GREB1L: variants seen among roughly 807,000 people sequenced by gnomAD.
GREB1L encodes the protein GREB1-like protein.
In GREB1L, 17 loss-of-function variants were observed where a neutral mutation model predicts 200.8. The observed-to-expected ratio is 0.08, with a 90% confidence interval of 0.06 to 0.13. GREB1L has a LOEUF of 0.13. Ranked by LOEUF, GREB1L falls within the 10% of genes least tolerant of loss-of-function variation. GREB1L has a pLI of 1.00. For synonymous variants in GREB1L, 789 were observed against 893.0 expected, an observed-to-expected ratio of 0.88 and a Z score of 2.08; for missense variants, 1,657 against 2,367.7, an observed-to-expected ratio of 0.70 and a Z score of 6.23.
chr18:21,505,317 C>A, intron 23 of GREB1L, 95 bp from the exon 24 acceptor site: 3 of 1,145,652 alleles, frequency 2.6e-6, no homozygotes, highest in Non-Finnish European at 3.7e-6. Flanking sequence ...TTTGTCCACC[C>A]ATCTGGGCTC....
At chr18:21,368,639 G>T (rs1467192397) in intron 2 of GREB1L, among the ~76,000 whole-genome samples, 1 of 152,094 alleles carries the variant, frequency 6.6e-6, no homozygotes. Context: ...TTTGAAAGAA[G>T]ACAGCTATTT....
chr18:21,245,697 T>G (rs1478509057), intron 1 of GREB1L, among the ~76,000 whole-genome samples: 9 of 150,828 alleles, frequency 6.0e-5, no homozygotes, highest in South Asian at 2.1e-4. Context: ...GCCTATTCTT[T>G]TTTTGTTTTG....
chr18:21,454,293 C>T (rs2034656669), intron 14 of GREB1L, 73 bp from the exon 15 acceptor site: 1 of 950,752 alleles, frequency 1.1e-6, no homozygotes, highest in Admixed American at 2.1e-5. Flanking sequence ...TGGTATGTGT[C>T]CTCATAGAGA....
At chr18:21,379,840 A>G (rs1473673286) in intron 2 of GREB1L, among the ~76,000 whole-genome samples, 2 of 152,132 alleles carry the variant, frequency 1.3e-5, no homozygotes, top group African/African-American at 4.8e-5. Flanking sequence ...AAAATTTTTA[A>G]TGTTTGTATT....
intron 2 of GREB1L, among the ~76,000 whole-genome samples, chr18:21,370,036 A>T (rs370894282): frequency 1.3e-5 from 2 of 152,168 alleles, no homozygotes; most frequent in South Asian, 2.1e-4. Context: ...GGAGTTTAAA[A>T]TTTTTGTCTT....
chr18:21,368,641 C>T (rs2039761234), intron 2 of GREB1L, among the ~76,000 whole-genome samples: 1 of 152,126 alleles, frequency 6.6e-6, no homozygotes. Context: ...TGAAAGAAGA[C>T]AGCTATTTGG....
intron 7 of GREB1L, among the ~76,000 whole-genome samples, chr18:21,430,994 T>A (rs1242825073): frequency 2.3e-4 from 33 of 140,996 alleles, no homozygotes; most frequent in Non-Finnish European, 1.5e-4. Flanking sequence ...TTTTCATTTA[T>A]TTTATTTATT....
In GREB1L at chr18:21,524,591, A is replaced by C. The variant is rs893068448; in HGVS notation, c.*1770A>C. The C allele has an allele frequency of 6.6e-6, 1 of 152,194 alleles. No individual in the cohort carries two copies. Among genetic ancestry groups the C allele is most frequent in the Admixed American group, 6.5e-5 (1 of 15,268 alleles). The allele number at this position is 152,194 out of a possible 1,614,324, so 9.4% of individuals were successfully genotyped here. On this transcript the variant is annotated 3_prime_UTR_variant, in exon 33 of 33. Coordinates refer to ENST00000424526, the MANE Select transcript of GREB1L (RefSeq NM_001142966.3). ...TACCAAGAAACCCACTGTCTGTGCA[A>C]TATTCCAATAACATTTACATAGGGC...
intron 13 of GREB1L, 101 bp from the exon 14 acceptor site, chr18:21,451,982 C>G (rs2034547727): frequency 8.2e-6 from 9 of 1,098,958 alleles, no homozygotes; most frequent in Non-Finnish European, 1.3e-6. Flanking sequence ...GGCTGACCAA[C>G]AAATCTACTG....
At chr18:21,286,192 A>G (rs886558441) in intron 1 of GREB1L, among the ~76,000 whole-genome samples, 6 of 152,212 alleles carry the variant, frequency 3.9e-5, no homozygotes, top group African/African-American at 1.2e-4. Flanking sequence ...TTTCAGAAGC[A>G]GTGGTTTAGA....
chr18:21,308,281 AAAC>A (rs1173790564), intron 1 of GREB1L, among the ~76,000 whole-genome samples: 7 of 152,250 alleles, frequency 4.6e-5, no homozygotes, highest in Admixed American at 2.0e-4. Flanking sequence ...TAGCTACTGT[AAAC>A]CAGACATGGA....
chr18:21,334,185 C>T (rs567888466), intron 1 of GREB1L, among the ~76,000 whole-genome samples: 3 of 152,188 alleles, frequency 2.0e-5, no homozygotes, highest in African/African-American at 7.2e-5. Flanking sequence ...TTTGCAGTAA[C>T]TATAGTAATT....
chr18:21,464,040 A>T (rs2035166437), intron 15 of GREB1L, among the ~76,000 whole-genome samples: 1 of 152,198 alleles, frequency 6.6e-6, no homozygotes, highest in Admixed American at 6.5e-5. Flanking sequence ...AAAATTTTTT[A>T]AAACCCATGA....
rs1177394000 is a variant in GREB1L at position 21,439,611 on chromosome 18, G to A, written c.923G>A (p.Arg308Gln). The change falls in exon 8 of 33, where the codon CGA (arginine) becomes CAA (glutamine). Residue 308 changes from arginine (R) to glutamine (Q), a missense_variant. Physicochemically the swap from Arg to Gln is conservative, Grantham distance 43. Coordinates refer to ENST00000424526, the MANE Select transcript of GREB1L (RefSeq NM_001142966.3). ...AHTGNYSLSP[R>Q]PSYASGDQAT... Reference sequence around the variant, plus strand: ...ACAGGGAATTACTCTTTGTCACCACGACCTAGCTATGCATCAGGAGATCAA... The same window carrying A: ...ACAGGGAATTACTCTTTGTCACCACAACCTAGCTATGCATCAGGAGATCAA... 9 of 1,550,668 alleles carry A rather than the reference G, an allele frequency of 5.8e-6. No homozygotes were observed. The highest frequency in any genetic ancestry group is 2.0e-5 in the Admixed American group (1 of 50,982).
At position 21,268,554 on chromosome 18, in the gene GREB1L, CACACACATATATATATATATAT is replaced by C. The variant is rs1362352044; in HGVS notation, c.-120+26163_-120+26184del. On this transcript the variant is annotated intron_variant, in intron 1 of 32. Coordinates refer to ENST00000424526, the MANE Select transcript of GREB1L (RefSeq NM_001142966.3). Reference sequence around the variant, plus strand: ...ACACACACACACACACACACACACACACACACATATATATATATATATATATATATATATATATACATGTATA... The same window carrying C: ...ACACACACACACACACACACACACACATATATATATATATATACATGTATA... Among the ~76,000 whole-genome samples the C allele has an allele frequency of 3.0e-3, 293 of 96,842 alleles. 2 individuals are homozygous for C. Among genetic ancestry groups the C allele is most frequent in the African/African-American group, 0.016 (277 of 17,328 alleles). 63.5% of individuals were successfully genotyped at this position (96,842 alleles called of 152,430 possible).
chr18:21,510,601 C>G (rs902476304), intron 27 of GREB1L, among the ~76,000 whole-genome samples: 2 of 152,224 alleles, frequency 1.3e-5, no homozygotes, highest in Non-Finnish European at 2.9e-5. Flanking sequence ...TCAGTGGACA[C>G]TTGGGCTGCT....
intron 1 of GREB1L, among the ~76,000 whole-genome samples, chr18:21,260,395 A>G (rs1160719216): frequency 6.6e-6 from 1 of 151,774 alleles, no homozygotes; most frequent in African/African-American, 2.4e-5. Context: ...TTAAGGAGGG[A>G]AAAAAAGGAA....
At chr18:21,447,492 A>G (rs1220917778) in intron 11 of GREB1L, among the ~76,000 whole-genome samples, 1 of 152,192 alleles carries the variant, frequency 6.6e-6, no homozygotes, top group Non-Finnish European at 1.5e-5. Flanking sequence ...TGTTGTGAAC[A>G]TGTTTAGTAA....
chr18:21,413,128 C>G (rs2031255024), intron 7 of GREB1L, among the ~76,000 whole-genome samples: 1 of 152,270 alleles, frequency 6.6e-6, no homozygotes, highest in Admixed American at 6.5e-5. Context: ...GGCCTCCTTT[C>G]CTTTGCCTTC....
Sources: allele counts gnomAD v4.1 joint callset (sites outside exome capture counted in the v4.1 genomes callset), GRCh38; gene constraint gnomAD v4.1.1; transcripts MANE v1.5; gene names NCBI Gene and HGNC (gene_info 2026-07-23, HGNC 2026-07-21).